The following SLC26A11 variants were observed in gnomAD, a reference collection of about 807,000 sequenced individuals.
SLC26A11 encodes sodium-independent sulfate anion transporter.
A neutral mutation model predicts 62.2 loss-of-function variants in SLC26A11; 58 were observed. The observed-to-expected ratio is 0.93, with a 90% CI of 0.76 to 1.16. The LOEUF is 1.16. SLC26A11 is among the 50% of genes most tolerant of loss of function. The pLI, the probability that SLC26A11 is intolerant of heterozygous loss-of-function variation, is 0.00. For synonymous variants in SLC26A11, 411 were observed against 368.9 expected (o/e 1.11, Z -1.31); for missense variants, 790 against 794.3 (o/e 0.99, Z 0.06).
chr17:80,250,930 C>T (rs1049806011), intron 16 of SLC26A11, among the ~76,000 whole-genome samples: 6 of 152,094 alleles, frequency 3.9e-5, no homozygotes, highest in African/African-American at 1.4e-4. Context: ...CATTTGAGGC[C>T]AGGAGTTTGA....
rs1023622095 is a variant in SLC26A11 at position 80,223,742 on chromosome 17, T to G, written c.513+405T>G. Among the ~76,000 whole-genome samples, 2 of 152,064 alleles carry G rather than the reference T, an allele frequency of 1.3e-5. No homozygotes were observed. The highest frequency in any genetic ancestry group is 2.9e-5 in the Non-Finnish European group (2 of 68,048). The stretch of plus-strand genomic sequence containing the variant: ...GGCAAATTATTTCCCCATGCCAATT[T>G]AGTTAGATGGTTTTGTTTTGTGCTT... On this transcript the variant is annotated intron_variant, in intron 5 of 17. Transcript: ENST00000361193. This position sits in a 1 kb window ranked among gnomAD's most constrained non-coding sequence, Gnocchi z 4.6.
intron 7 of SLC26A11, among the ~76,000 whole-genome samples, chr17:80,233,597 T>TTTA (rs1555627989): frequency 1.3e-5 from 2 of 151,592 alleles, no homozygotes; most frequent in Non-Finnish European, 2.9e-5. Flanking sequence ...TTTTTTTTTT[T>TTTA]ATTTGACAGG....
In SLC26A11 at chr17:80,224,306, T is replaced by A. The variant is rs28706810; in HGVS notation, c.513+969T>A. On this transcript the variant is annotated intron_variant, in intron 5 of 17. Transcript: ENST00000361193. ...GTGTGTGAGTGAGTGTGCGTGTGTG[T>A]GTGAGAGAGTGTGAGTGTGTATGAG... Among the ~76,000 whole-genome samples the A allele has an allele frequency of 5.1e-5, 7 of 137,792 alleles. No homozygotes were observed. The South Asian group carries it at 6.6e-4, about 13-fold the overall frequency. 90.4% of individuals were successfully genotyped at this position (137,792 alleles called of 152,430 possible).
At chr17:80,242,855 T>C (rs2042900976) in intron 10 of SLC26A11, among the ~76,000 whole-genome samples, 2 of 152,046 alleles carry the variant, frequency 1.3e-5, no homozygotes, top group Admixed American at 1.3e-4. Context: ...ACTACAGGCG[T>C]GTGCCACCAC....
chr17:80,235,606 T>C (rs1474918549), intron 7 of SLC26A11, among the ~76,000 whole-genome samples: 2 of 152,266 alleles, frequency 1.3e-5, no homozygotes, highest in Non-Finnish European at 2.9e-5. Flanking sequence ...TCCTCCTGTC[T>C]TGGCTTCCCA....
intron 7 of SLC26A11, among the ~76,000 whole-genome samples, chr17:80,236,319 C>A (rs2144923848): frequency 6.6e-6 from 1 of 152,360 alleles, no homozygotes; most frequent in South Asian, 2.1e-4. Flanking sequence ...GCTCCTGTGA[C>A]CTTGCGGTCA....
chr17:80,247,926 C>G (rs1415068565), intron 13 of SLC26A11, among the ~76,000 whole-genome samples: 2 of 152,234 alleles, frequency 1.3e-5, no homozygotes, highest in East Asian at 3.8e-4. Context: ...CTGCGCTCAG[C>G]TCAGATGGGG....
chr17:80,249,161 G>C lies in SLC26A11; in HGVS notation c.1530G>C (p.Pro510=), dbSNP rs543830000. Reference sequence around the variant, plus strand: ...TCGGGCCTGTCTCCCCAGTGTCCCCGCCACGCTGCCTGGTCCTGGAGTGCA... The same window carrying C: ...TCGGGCCTGTCTCCCCAGTGTCCCCCCCACGCTGCCTGGTCCTGGAGTGCA... ...EILSRALEVS[P]PRCLVLECTH... is the part of the protein sequence containing the mutation. Residue 510 remains proline, a synonymous_variant, in exon 16 of 18, where the codon CCG becomes CCC. Coordinates refer to ENST00000361193, the MANE Select transcript of SLC26A11 (RefSeq NM_001166347.2). The C allele has an allele frequency of 1.1e-5, 17 of 1,606,836 alleles. No individual in the cohort carries two copies. Among genetic ancestry groups the C allele is most frequent in the Middle Eastern group, 2.2e-4 (1 of 4,542 alleles).
chr17:80,237,427 C>A, intron 8 of SLC26A11, 95 bp from the exon 9 acceptor site: 1 of 1,179,656 alleles, frequency 8.5e-7, no homozygotes, highest in South Asian at 1.4e-5. Flanking sequence ...GCTCCTGTTA[C>A]CTGTGGGGCG....
intron 5 of SLC26A11, among the ~76,000 whole-genome samples, chr17:80,224,968 C>T (rs1407589152): frequency 6.6e-6 from 1 of 152,154 alleles, no homozygotes; most frequent in East Asian, 1.9e-4. Flanking sequence ...AGTTTTAGGG[C>T]AGGGTCCTTG....
intron 7 of SLC26A11, among the ~76,000 whole-genome samples, chr17:80,232,018 A>T (rs1007195639): frequency 2.0e-5 from 3 of 152,222 alleles, no homozygotes; most frequent in African/African-American, 7.2e-5. Context: ...TATTAAAAGA[A>T]GAATGTTGAA....
chr17:80,238,547 TCCCTC>T (rs1293635017), intron 9 of SLC26A11, among the ~76,000 whole-genome samples: 2 of 152,126 alleles, frequency 1.3e-5, no homozygotes, highest in Non-Finnish European at 2.9e-5. Context: ...ATCTCTAGAT[TCCCTC>T]CTTGCAGCTC....
chr17:80,238,250 G>A (rs1272541043), intron 9 of SLC26A11, among the ~76,000 whole-genome samples: 1 of 152,198 alleles, frequency 6.6e-6, no homozygotes, highest in Non-Finnish European at 1.5e-5. Flanking sequence ...CTTCTCAGAA[G>A]GCTGAGGCAG....
At chr17:80,226,303 G>A (rs2042409137) in intron 6 of SLC26A11, among the ~76,000 whole-genome samples, 1 of 152,176 alleles carries the variant, frequency 6.6e-6, no homozygotes, top group Admixed American at 6.5e-5. Context: ...GGAGAACACA[G>A]GGCGTGGGGA....
chr17:80,249,025 T>G, intron 15 of SLC26A11, 129 bp from the exon 16 acceptor site: 1 of 1,205,290 alleles, frequency 8.3e-7, no homozygotes, highest in Non-Finnish European at 1.1e-6. Flanking sequence ...ACTGGGCGAC[T>G]CAGCCGCCAC....
intron 10 of SLC26A11, among the ~76,000 whole-genome samples, chr17:80,243,198 G>A (rs776408219): frequency 6.6e-6 from 1 of 152,156 alleles, no homozygotes; most frequent in South Asian, 2.1e-4. Flanking sequence ...AGTGACCCAG[G>A]TTGGGTCACA....
intron 13 of SLC26A11, among the ~76,000 whole-genome samples, chr17:80,247,035 C>T (rs1287413450): frequency 6.6e-6 from 1 of 151,982 alleles, no homozygotes; most frequent in Non-Finnish European, 1.5e-5. Context: ...GCCTTGCACC[C>T]TGGCTCAGAA....
intron 9 of SLC26A11, among the ~76,000 whole-genome samples, chr17:80,238,626 G>C (rs186883393): frequency 2.0e-5 from 3 of 152,128 alleles, no homozygotes; most frequent in Non-Finnish European, 1.5e-5. Context: ...CCTTCGTTCT[G>C]TCTTGTCACC....
At chr17:80,224,202 A>AGT (rs1357058272) in intron 5 of SLC26A11, among the ~76,000 whole-genome samples, 1 of 72,520 alleles carries the variant, frequency 1.4e-5, no homozygotes, top group Non-Finnish European at 3.4e-5. Flanking sequence ...AGTGTGTGTG[A>AGT]GTGTGTGAAT....
Sources: allele counts gnomAD v4.1 joint callset (sites outside exome capture counted in the v4.1 genomes callset), GRCh38; gene constraint gnomAD v4.1.1; non-coding constraint Gnocchi (gnomAD v3.1); transcripts MANE v1.5; gene names NCBI Gene and HGNC (gene_info 2026-07-23, HGNC 2026-07-21).